ASIC2: variants seen among roughly 807,000 people sequenced by gnomAD.
ASIC2 encodes the protein acid sensing ion channel subunit 2, also known as acid-sensing ion channel 2.
In ASIC2, 25 loss-of-function variants were observed where a neutral mutation model predicts 57.3. The ratio of observed to expected loss-of-function variants is 0.44; its 90% confidence interval spans 0.32 to 0.61. The LOEUF (loss-of-function observed/expected upper bound fraction) is 0.61. Ranked by LOEUF, ASIC2 falls within the 20% of genes least tolerant of loss-of-function variation. The pLI is 0.06. For synonymous variants in ASIC2, 319 were observed against 307.5 expected (o/e 1.04, Z -0.39); for missense variants, 641 against 738.1 (o/e 0.87, Z 1.52).
At chr17:33,343,669 C>T (rs559220579) in intron 1 of ASIC2, among the ~76,000 whole-genome samples, 1 of 152,294 alleles carries the variant, frequency 6.6e-6, no homozygotes, top group African/African-American at 2.4e-5. Flanking sequence ...GACTTTCAGC[C>T]TCAGCCTTAT....
rs539099997 is a variant in ASIC2, at chr17:33,122,672, G to A, written c.709-10605C>T. 1.7e-4 allele frequency among the ~76,000 whole-genome samples: 26 copies of A among 152,180 alleles called. No homozygotes were observed. The South Asian group carries it at 5.4e-3, about 32-fold the overall frequency. ...TCTTTGTAGTTTAAATATTCTAAAT[G>A]GAGAACATTTGAAATCCCCTCTTTT... On this transcript the variant is annotated intron_variant, in intron 1 of 9. Transcript: ENST00000225823.
chr17:33,938,204 G>A (rs1597938925), intron 1 of ASIC2, among the ~76,000 whole-genome samples: 1 of 152,112 alleles, frequency 6.6e-6, no homozygotes, highest in Admixed American at 6.5e-5. Context: ...CCCTAAACGG[G>A]ACAAAAAGGG....
At chr17:33,536,136 A>G (rs574893954) in intron 1 of ASIC2, among the ~76,000 whole-genome samples, 17 of 152,264 alleles carry the variant, frequency 1.1e-4, no homozygotes, top group African/African-American at 3.9e-4. Flanking sequence ...AAGGCTGGGG[A>G]GTATACGGGA....
At chr17:34,008,049 T>C (rs144598800) in intron 1 of ASIC2, among the ~76,000 whole-genome samples, 1,717 of 152,298 alleles carry the variant, frequency 0.011, 39 homozygotes, top group African/African-American at 0.039. Flanking sequence ...GCTGGGAAGG[T>C]GGCTCATGTG....
chr17:34,124,883 G>C (rs923617610), intron 1 of ASIC2, among the ~76,000 whole-genome samples: 1 of 151,890 alleles, frequency 6.6e-6, no homozygotes, highest in Admixed American at 6.6e-5. Context: ...TCATATTGGG[G>C]ATTAGGCTTT....
chr17:33,394,039 T>C (rs1296492063), intron 1 of ASIC2, among the ~76,000 whole-genome samples: 1 of 152,244 alleles, frequency 6.6e-6, no homozygotes, highest in Non-Finnish European at 1.5e-5. Context: ...TGACAATAAG[T>C]GAAACACGCA....
chr17:33,285,523 G>A (rs115986908), intron 1 of ASIC2, among the ~76,000 whole-genome samples: 202 of 152,318 alleles, frequency 1.3e-3, no homozygotes, highest in African/African-American at 4.4e-3. Context: ...GCTAAATCCC[G>A]TTGATCATTT....
rs370912757 is a variant in ASIC2, at chr17:33,111,513, C to T, written c.859+404G>A. 1.3e-4 allele frequency among the ~76,000 whole-genome samples: 20 copies of T among 152,248 alleles called. No homozygotes were observed. The South Asian group carries it at 3.1e-3, about 24-fold the overall frequency. On this transcript the variant is annotated intron_variant, in intron 2 of 9. Coordinates refer to ENST00000225823, the MANE Select transcript of ASIC2 (RefSeq NM_183377.2). ...AGCCCCTCCAGCTTCCCCCAGTGGG[C>T]GGCAGCCTGCTTTCCTTTCAGATCT... is the stretch of plus-strand genomic sequence containing the variant.
chr17:33,862,172 C>T (rs187651000), intron 1 of ASIC2, among the ~76,000 whole-genome samples: 244 of 152,290 alleles, frequency 1.6e-3, no homozygotes, highest in Non-Finnish European at 2.9e-3. Flanking sequence ...GCAGCCTCTT[C>T]GGTAGCTGAG....
At position 33,353,980 on chromosome 17, in the gene ASIC2, C is replaced by T. The variant is rs558736227; in HGVS notation, c.556-241913G>A. ...TTAATGGACTCACAGTTCCACATGG[C>T]TGGGGAGGCCTCACATTCATGTTGG... On this transcript the variant is annotated intron_variant, in intron 1 of 9. Transcript: ENST00000359872. 2.3e-4 allele frequency among the ~76,000 whole-genome samples: 35 copies of T among 152,272 alleles called. No homozygotes were observed. The South Asian group carries it at 7.1e-3, about 31-fold the overall frequency.
chr17:33,160,590 G>C (rs1005517252), intron 1 of ASIC2, among the ~76,000 whole-genome samples: 1 of 152,264 alleles, frequency 6.6e-6, no homozygotes, highest in East Asian at 1.9e-4. Context: ...CATGGGCAGA[G>C]CCTCTCTCCC....
chr17:33,183,549 G>A (rs137888814), intron 1 of ASIC2, among the ~76,000 whole-genome samples: 4 of 152,292 alleles, frequency 2.6e-5, no homozygotes, highest in East Asian at 3.9e-4. Flanking sequence ...TACCTTACTC[G>A]CTGAGACTCA....
At chr17:34,082,933 G>A (rs946641037) in intron 1 of ASIC2, among the ~76,000 whole-genome samples, 1 of 152,132 alleles carries the variant, frequency 6.6e-6, no homozygotes, top group Non-Finnish European at 1.5e-5. Context: ...GAATGCAGGA[G>A]CATAAGGAGA....
intron 1 of ASIC2, among the ~76,000 whole-genome samples, chr17:33,835,182 A>G (rs2141903729): frequency 6.6e-6 from 1 of 151,842 alleles, no homozygotes; most frequent in East Asian, 1.9e-4. Context: ...CTGGGGCCAG[A>G]CTCTTTGGGT....
At position 33,534,828 on chromosome 17, in the gene ASIC2, A is replaced by G. The variant is rs565127195; in HGVS notation, c.556-422761T>C. On this transcript the variant is annotated intron_variant, in intron 1 of 9. Transcript: ENST00000359872. The stretch of plus-strand genomic sequence containing the variant: ...TACTATTTGGCCTCATTCTCTGTGT[A>G]TGAATGCTTAGAATTGAGAGAAGAA... 2.0e-5 allele frequency among the ~76,000 whole-genome samples: 3 copies of G among 152,334 alleles called. No individual in the cohort carries two copies. In the South Asian group the frequency reaches 6.2e-4, roughly 32 times the overall value.
chr17:33,734,162 A>G (rs1273691577), intron 1 of ASIC2, among the ~76,000 whole-genome samples: 1 of 151,876 alleles, frequency 6.6e-6, no homozygotes, highest in Non-Finnish European at 1.5e-5. Context: ...ATGTGCTCCC[A>G]TCTGAGGCCA....
intron 1 of ASIC2, among the ~76,000 whole-genome samples, chr17:34,111,914 A>G (rs1911288002): frequency 6.6e-6 from 1 of 152,248 alleles, no homozygotes; most frequent in Admixed American, 6.5e-5. Context: ...TGGGAAAAGC[A>G]TATCATATAT....
chr17:33,230,154 C>T (rs969001904), intron 1 of ASIC2, among the ~76,000 whole-genome samples: 2 of 152,224 alleles, frequency 1.3e-5, no homozygotes, highest in Non-Finnish European at 2.9e-5. Context: ...GGGTGAGGCA[C>T]AGGACTACCT....
At chr17:34,098,903 C>T (rs1379802505) in intron 1 of ASIC2, among the ~76,000 whole-genome samples, 1 of 151,942 alleles carries the variant, frequency 6.6e-6, no homozygotes, top group African/African-American at 2.4e-5. Flanking sequence ...TAAGTGATTT[C>T]CATACCGTGT....
Sources: gnomAD v4.1 joint callset for allele counts (sites outside exome capture counted in the v4.1 genomes callset) on GRCh38, gnomAD v4.1.1 for gene constraint, MANE v1.5 for transcripts, NCBI Gene and HGNC (gene_info 2026-07-23, HGNC 2026-07-21) for gene names.